Variants in DZIP1L observed in about 807,000 individuals in gnomAD.
DZIP1L encodes the protein cilium assembly protein DZIP1L.
In DZIP1L, 90 loss-of-function variants were observed where a neutral mutation model predicts 88.7. That is an observed-to-expected ratio of 1.02 (90% CI 0.86 to 1.21). DZIP1L has a LOEUF of 1.21. Among genes scored for constraint, DZIP1L ranks in the 50% most tolerant of loss-of-function variants. The pLI is 0.00. For missense variants in DZIP1L, 932 were observed against 955.8 expected (o/e 0.98, Z 0.33); for synonymous variants, 363 against 372.1 (o/e 0.98, Z 0.28).
At chr3:138,081,591 G>T in intron 9 of DZIP1L, 143 bp downstream of exon 9, 1 of 766,784 alleles carries the variant, frequency 1.3e-6, no homozygotes, top group Non-Finnish European at 2.0e-6. Flanking sequence ...AGCCTGTGTG[G>T]CCCAGAAGCC....
chr3:138,084,085 G>T lies in DZIP1L; in HGVS notation c.1203+28C>A, dbSNP rs373515245. On this transcript the variant is annotated intron_variant, in intron 8 of 15. Transcript: ENST00000327532. ...AGGAAAGAGGCCCAGGGACACCAAG[G>T]CCTGGCTGAAAGGAAGGGCAGACCT... 138 of 1,610,348 alleles carry T rather than the reference G, an allele frequency of 8.6e-5. No individual in the cohort carries two copies. The African/African-American group carries it at 1.4e-3, about 16-fold the overall frequency.
chr3:138,071,507 C>A, intron 12 of DZIP1L, 136 bp downstream of exon 12: 1 of 997,312 alleles, frequency 1.0e-6, no homozygotes. Context: ...CCTGTAAGGA[C>A]CCTACCAGCT....
chr3:138,089,385 G>A (rs1944097961), intron 5 of DZIP1L: 1 of 538,806 alleles, frequency 1.9e-6, no homozygotes, highest in Admixed American at 6.4e-5. Flanking sequence ...GACTTTCTTG[G>A]CATTACAAAC....
In DZIP1L at chr3:138,064,609, T is replaced by G; in HGVS notation, c.2142+19A>C. 6.2e-7 allele frequency: 1 copy of G among 1,614,100 alleles called. No individual in the cohort carries two copies. Among genetic ancestry groups the G allele is most frequent in the Non-Finnish European group, 8.5e-7 (1 of 1,180,010 alleles). ...CTGTAGAGAATTCCAGAGTAAACTC[T>G]AAGCATCCTACATCCTACCTGAGGC... On this transcript the variant is annotated intron_variant, in intron 15 of 15. Coordinates refer to ENST00000327532, the MANE Select transcript of DZIP1L (RefSeq NM_173543.3).
At position 138,111,174 on chromosome 3, in the gene DZIP1L, G is replaced by A. The variant is rs1009050116; in HGVS notation, c.-82+4154C>T. Among the ~76,000 whole-genome samples the A allele has an allele frequency of 1.1e-4, 16 of 152,262 alleles. No homozygotes were observed. The South Asian group carries it at 1.5e-3, about 14-fold the overall frequency. ...CCTGGCACCCAGATTGCTACTGAACGGAGCAAAATTGTTGAAATCTCAGCA... is the reference window on the plus strand; with the variant it reads ...CCTGGCACCCAGATTGCTACTGAACAGAGCAAAATTGTTGAAATCTCAGCA... On this transcript the variant is annotated intron_variant, in intron 1 of 15. Transcript: ENST00000327532.
intron 11 of DZIP1L, among the ~76,000 whole-genome samples, chr3:138,076,669 C>T (rs866396035): frequency 2.0e-5 from 3 of 152,136 alleles, no homozygotes; most frequent in South Asian, 2.1e-4. Context: ...GAAAACCAAA[C>T]ATCGTATGTT....
intron 14 of DZIP1L, 42 bp downstream of exon 14, chr3:138,067,489 C>T (rs751818177): frequency 6.5e-7 from 1 of 1,544,160 alleles, no homozygotes; most frequent in Admixed American, 2.2e-5. Flanking sequence ...AGAAGGGCTA[C>T]ACCGGTGGTC....
Position 138,064,759 on chromosome 3 carries a change from C to T in DZIP1L, c.2011G>A (p.Val671Met), listed in dbSNP as rs369063453. The change falls in exon 15 of 16, where the codon GTG becomes ATG. Residue 671 changes from valine (V) to methionine (M), a missense_variant. By Grantham distance (21) the Val-to-Met change is conservative. Coordinates refer to ENST00000327532, the MANE Select transcript of DZIP1L (RefSeq NM_173543.3). Reference sequence around the variant, plus strand: ...TCCAGGTTTTTGACCATCGACTGCACCAGTGTTCCTGGAAGGTGAAAAAGT... The same window carrying T: ...TCCAGGTTTTTGACCATCGACTGCATCAGTGTTCCTGGAAGGTGAAAAAGT... ...QPPGQGSGTL[V>M]QSMVKNLEKQ... The T allele has an allele frequency of 1.9e-6, 3 of 1,578,176 alleles. No individual in the cohort carries two copies. Among genetic ancestry groups the T allele is most frequent in the African/African-American group, 2.7e-5 (2 of 73,422 alleles).
At chr3:138,069,094 T>C (rs1695339211) in intron 12 of DZIP1L, 3 of 923,768 alleles carry the variant, frequency 3.2e-6, no homozygotes, top group African/African-American at 1.7e-5. Context: ...CACTTATACG[T>C]GGATTTTCTT....
At position 138,068,253 on chromosome 3, in the gene DZIP1L, T is replaced by C. The variant is rs779404923; in HGVS notation, c.1730A>G (p.His577Arg). 18 of 1,596,128 alleles carry C rather than the reference T, an allele frequency of 1.1e-5. No individual in the cohort carries two copies. Among genetic ancestry groups the C allele is most frequent in the Admixed American group, 1.7e-5 (1 of 57,668 alleles). Residue 577 changes from histidine (H) to arginine (R), a missense_variant, in exon 13 of 16, where the codon CAT becomes CGT. Transcript: ENST00000327532. ...AEPPPPTRQS[H>R]GSHGSSLTQV... is the part of the protein sequence containing the mutation. ...GGTCAGGCTGGAGCCATGGCTGCCATGGCTCTGACGAGTTGGTGGGGGTGG... is the reference window on the plus strand; with the variant it reads ...GGTCAGGCTGGAGCCATGGCTGCCACGGCTCTGACGAGTTGGTGGGGGTGG...
At chr3:138,074,295 A>C (rs1282223092) in intron 11 of DZIP1L, among the ~76,000 whole-genome samples, 1 of 152,226 alleles carries the variant, frequency 6.6e-6, no homozygotes. Context: ...AAGAATCATA[A>C]GAGCTGTGAG....
chr3:138,114,794 G>A (rs2042666513), intron 1 of DZIP1L, among the ~76,000 whole-genome samples: 1 of 152,152 alleles, frequency 6.6e-6, no homozygotes, highest in African/African-American at 2.4e-5. Context: ...CAGGTCTTCG[G>A]TGGACTTTAT....
At position 138,104,052 on chromosome 3, in the gene DZIP1L, C is replaced by A. The variant is rs1291594865; in HGVS notation, c.-81G>T. 1 of 1,519,430 alleles carries A rather than the reference C, an allele frequency of 6.6e-7. No individual in the cohort carries two copies. Among genetic ancestry groups the A allele is most frequent in the Non-Finnish European group, 8.7e-7 (1 of 1,146,234 alleles). The allele number at this position is 1,519,430 out of a possible 1,614,324, so 94.1% of individuals were successfully genotyped here. A position where few individuals can be genotyped will look rare whatever the true frequency, so the allele number is the denominator to read the frequency against. The stretch of plus-strand genomic sequence containing the variant: ...AGTAGGCCAAGGAGCTGAGAGAAGG[C>A]CTGGAAAATAAGAAGAGAGTCCAAG... On this transcript the variant is annotated splice_region_variant and 5_prime_UTR_variant, in exon 2 of 16. Transcript: ENST00000327532.
In DZIP1L at chr3:138,077,550, T is replaced by C; in HGVS notation, c.1371A>G (p.Pro457=). ...RNPTLLKHFR[P]ILEDTLEEKL... ...TCTCTTCCAGGGTGTCCTCCAGGAT[T>C]GGTCTGAAGTGCTTCAGCAAAGTGG... The change falls in exon 11 of 16, where the codon CCA becomes CCG. Residue 457 remains proline, a synonymous_variant. Transcript: ENST00000327532. The C allele has an allele frequency of 6.2e-7, 1 of 1,614,246 alleles. No homozygotes were observed. Among genetic ancestry groups the C allele is most frequent in the Non-Finnish European group, 8.5e-7 (1 of 1,180,046 alleles).
intron 9 of DZIP1L, among the ~76,000 whole-genome samples, chr3:138,081,109 C>T (rs1943626017): frequency 6.6e-6 from 1 of 152,068 alleles, no homozygotes; most frequent in African/African-American, 2.4e-5. Context: ...TGTGAGTTTG[C>T]AAGAAAAGGC....
intron 5 of DZIP1L, among the ~76,000 whole-genome samples, chr3:138,091,672 A>AGAAG (rs1241491119): frequency 3.1e-4 from 4 of 12,762 alleles, no homozygotes; most frequent in African/African-American, 6.3e-4. Flanking sequence ...AGGGAGGGAG[A>AGAAG]GAGGGAGGGA....
At position 138,067,697 on chromosome 3, in the gene DZIP1L, C is replaced by T. The variant is rs563575368; in HGVS notation, c.1836G>A (p.Thr612=). Residue 612 remains threonine (T), a synonymous_variant, in exon 14 of 16, where the codon ACG becomes ACA. Transcript: ENST00000327532. ...AGTCCTCTTCAGAACTGAACGGGGG[C>T]GTGCTGCCACGAGGAGGAGAAGAAA... ...TPPSSGPGMS[T]PPFSSEEDSE... The T allele has an allele frequency of 4.0e-5, 62 of 1,547,156 alleles. No homozygotes were observed. The highest frequency in any genetic ancestry group is 1.7e-4 in the Middle Eastern group (1 of 5,840).
At chr3:138,112,815 C>T (rs2042639495) in intron 1 of DZIP1L, among the ~76,000 whole-genome samples, 1 of 152,128 alleles carries the variant, frequency 6.6e-6, no homozygotes, top group African/African-American at 2.4e-5. Flanking sequence ...GGCGTGGTGG[C>T]TCATGCCTGT....
chr3:138,072,916 C>T (rs1173983142), intron 11 of DZIP1L, among the ~76,000 whole-genome samples: 1 of 152,148 alleles, frequency 6.6e-6, no homozygotes, highest in South Asian at 2.1e-4. Flanking sequence ...ACTTCCCTGG[C>T]GACCTGTATG....
Sources: gnomAD v4.1 joint callset for allele counts (sites outside exome capture counted in the v4.1 genomes callset) on GRCh38, gnomAD v4.1.1 for gene constraint, MANE v1.5 for transcripts, NCBI Gene and HGNC (gene_info 2026-07-23, HGNC 2026-07-21) for gene names.